Variants in MYO15A observed in about 807,000 individuals in gnomAD.
MYO15A encodes myosin XVA, also known as unconventional myosin-XV.
In MYO15A, 308 loss-of-function variants were observed where a neutral mutation model predicts 394.6. The ratio of observed to expected loss-of-function variants is 0.78; its 90% CI spans 0.71 to 0.86. MYO15A has a LOEUF of 0.86. MYO15A is among the 40% of genes least tolerant of loss of function. The pLI is 0.00. For synonymous variants in MYO15A, 1,957 were observed against 2,003.8 expected, an observed-to-expected ratio of 0.98 and a Z score of 0.62; for missense variants, 4,606 against 4,799.1, an observed-to-expected ratio of 0.96 and a Z score of 1.19.
At position 18,158,956 on chromosome 17, in the gene MYO15A, C is replaced by A. The variant is rs770756964; in HGVS notation, c.9115C>A (p.Arg3039=). ...CCTCAGGCTGAAATCCAAGGAGCCTCGGGAGTCCAGAACCTTGGAGGACAT... is the reference window on the plus strand; with the variant it reads ...CCTCAGGCTGAAATCCAAGGAGCCTAGGGAGTCCAGAACCTTGGAGGACAT... ...DGLRLKSKEP[R]ESRTLEDMLC... Residue 3039 remains arginine (R), a synonymous_variant, in exon 53 of 66, where the codon CGG becomes AGG. Coordinates refer to ENST00000647165, the MANE Select transcript of MYO15A (RefSeq NM_016239.4). 6 of 1,614,110 alleles carry A rather than the reference C, an allele frequency of 3.7e-6. No homozygotes were observed. Among genetic ancestry groups the A allele is most frequent in the Non-Finnish European group, 5.1e-6 (6 of 1,179,970 alleles).
chr17:18,134,237 C>G (rs1472810030), intron 12 of MYO15A, among the ~76,000 whole-genome samples: 1 of 152,150 alleles, frequency 6.6e-6, no homozygotes, highest in Non-Finnish European at 1.5e-5. Flanking sequence ...ATCCGCCCAC[C>G]TCGGCCTCCC....
chr17:18,178,795 C>A lies in MYO15A; in HGVS notation c.10518C>A (p.Ala3506=). 1 of 1,613,992 alleles carries A rather than the reference C, an allele frequency of 6.2e-7. No individual in the cohort carries two copies. The highest frequency in any genetic ancestry group is 8.5e-7 in the Non-Finnish European group (1 of 1,180,016). Residue 3506 remains alanine, a synonymous_variant, in exon 66 of 66, where the codon GCC becomes GCA. Transcript: ENST00000647165. ...GACTGGAACTGTGTCGTGTGGTGGC[C>A]GTGCACGTGGAGAACCTGCTCAGTG... ...EQGLELCRVV[A]VHVENLLSAH... is the part of the protein sequence containing the mutation.
intron 48 of MYO15A, 68 bp from the exon 49 acceptor site, chr17:18,156,886 G>A: frequency 1.5e-6 from 2 of 1,340,540 alleles, no homozygotes; most frequent in Non-Finnish European, 2.1e-6. Flanking sequence ...GAGGAGCAGG[G>A]GTGGCCCTAG....
Position 18,120,595 on chromosome 17 carries a change from G to A in MYO15A, c.1795G>A (p.Gly599Ser). The change falls in exon 2 of 66, where the codon GGC (glycine) becomes AGC (serine). Residue 599 changes from glycine to serine, a missense_variant. Around this residue, in one of 2 missense-constraint regions of MYO15A, gnomAD observed 1,830 missense variants for 1,689.7 expected, o/e 1.08. Coordinates refer to ENST00000647165, the MANE Select transcript of MYO15A (RefSeq NM_016239.4). ...LRGSQKARAG[G>S]PAVREAAYKR... ...GGGCAGCCAGAAGGCCCGGGCGGGC[G>A]GCCCTGCTGTCAGGGAGGCGGCCTA... 3 of 1,597,658 alleles carry A rather than the reference G, an allele frequency of 1.9e-6. No homozygotes were observed. The highest frequency in any genetic ancestry group is 2.6e-6 in the Non-Finnish European group (3 of 1,174,334).
rs2142232564 is a variant in MYO15A, at chr17:18,117,743, T to C, written c.-219-839T>C. 6.6e-6 allele frequency among the ~76,000 whole-genome samples: 1 copy of C among 152,236 alleles called. No homozygotes were observed. The highest frequency in any genetic ancestry group is 2.4e-5 in the African/African-American group (1 of 41,518). On this transcript the variant is annotated intron_variant, in intron 1 of 65. Coordinates refer to ENST00000647165, the MANE Select transcript of MYO15A (RefSeq NM_016239.4). This position sits in a 1 kb window ranked among gnomAD's most constrained non-coding sequence, Gnocchi z 4.1. ...GGTCAGGCCATATGAAGCAATCAGC[T>C]ATGCCCAGAGAAGGCAGTAACCACA...
intron 35 of MYO15A, chr17:18,149,950 C>CAAAAAAAAAAAAAAAAAA (rs369728454): frequency 8.3e-6 from 1 of 120,214 alleles, no homozygotes; most frequent in African/African-American, 4.1e-5. Flanking sequence ...GACCCTGTCT[C>CAAAAAAAAAAAAAAAAAA]AAAAAAAAAA....
At chr17:18,137,758 G>C in intron 16 of MYO15A, 79 bp downstream of exon 16, 1 of 1,449,558 alleles carries the variant, frequency 6.9e-7, no homozygotes, top group East Asian at 2.3e-5. Flanking sequence ...AGGATATACT[G>C]GTTGTTTAAG....
At chr17:18,139,347 C>A (rs375884801) in intron 18 of MYO15A, 187 bp from the exon 19 acceptor site, 2 of 690,226 alleles carry the variant, frequency 2.9e-6, no homozygotes. Context: ...ATGTCCTTCA[C>A]TGAGGGTGAG....
rs941123128 is a variant in MYO15A, at chr17:18,154,831, T to G, written c.8224+76T>G. The G allele has an allele frequency of 2.7e-6, 4 of 1,507,170 alleles. No homozygotes were observed. The African/African-American group carries it at 5.5e-5, about 21-fold the overall frequency. 93.4% of individuals were successfully genotyped at this position (1,507,170 alleles called of 1,614,324 possible). ...AGCCAGCCCTGTCCCAGAGGGAGAC[T>G]GAGGCTGACAAGCCCAGGCCCACCA... On this transcript the variant is annotated intron_variant, in intron 45 of 65. Coordinates refer to ENST00000647165, the MANE Select transcript of MYO15A (RefSeq NM_016239.4).
intron 12 of MYO15A, among the ~76,000 whole-genome samples, chr17:18,135,160 C>T (rs1053180375): frequency 9.9e-5 from 15 of 151,980 alleles, no homozygotes; most frequent in Non-Finnish European, 1.5e-4. Flanking sequence ...GCCACCGTGC[C>T]CAGCCTGTTT....
chr17:18,143,459 C>G (rs558079762), intron 25 of MYO15A, 107 bp from the exon 26 acceptor site: 13 of 1,285,892 alleles, frequency 1.0e-5, no homozygotes, highest in African/African-American at 3.0e-5. Context: ...GGCAAGCTGC[C>G]CCCCTTGCTT....
At chr17:18,136,353 CT>C in intron 13 of MYO15A, 63 bp from the exon 14 acceptor site, 1 of 1,599,180 alleles carries the variant, frequency 6.3e-7, no homozygotes, top group Non-Finnish European at 8.6e-7. Context: ...CCTTAGTCCC[CT>C]GGGGGCTTTC....
chr17:18,120,362 C>A lies in MYO15A; in HGVS notation c.1562C>A (p.Pro521Gln). Reference sequence around the variant, plus strand: ...GAAGAGGACGAGGAGGAGCTGCCCCCGGTTTCCGCTGTGCCCTACGGCCAC... The same window carrying A: ...GAAGAGGACGAGGAGGAGCTGCCCCAGGTTTCCGCTGTGCCCTACGGCCAC... ...DEEEDEEELP[P>Q]VSAVPYGHPF... The change falls in exon 2 of 66, where the codon CCG becomes CAG. Residue 521 changes from proline (P) to glutamine (Q), a missense_variant. Transcript: ENST00000647165. The A allele has an allele frequency of 6.2e-7, 1 of 1,612,062 alleles. No individual in the cohort carries two copies. The highest frequency in any genetic ancestry group is 8.5e-7 in the Non-Finnish European group (1 of 1,179,958).
In MYO15A at chr17:18,120,751, C is replaced by A; in HGVS notation, c.1951C>A (p.Pro651Thr). ...ARRPPAPQPA[P>T]RTLSHWSALL... ...CCGCCCGCCCGCGCCACAGCCCGCG[C>A]CCAGGACCCTCTCCCACTGGAGCGC... The change falls in exon 2 of 66, where the codon CCC (proline) becomes ACC (threonine). Residue 651 changes from proline to threonine, a missense_variant. By Grantham distance (38) the Pro-to-Thr change is conservative (BLOSUM62 -1). This residue lies in a region of MYO15A where 1,830 missense variants were observed against 1,689.7 expected (regional missense o/e 1.08). Coordinates refer to ENST00000647165, the MANE Select transcript of MYO15A (RefSeq NM_016239.4). The A allele has an allele frequency of 6.9e-7, 1 of 1,455,996 alleles. No homozygotes were observed. Among genetic ancestry groups the A allele is most frequent in the Non-Finnish European group, 9.0e-7 (1 of 1,114,504 alleles). The allele number at this position is 1,455,996 out of a possible 1,614,324, so 90.2% of individuals were successfully genotyped here. A position where few individuals can be genotyped will look rare whatever the true frequency, so the allele number is the denominator to read the frequency against.
At chr17:18,108,893 G>A (rs928390432) in intron 1 of MYO15A, 69 bp downstream of exon 1, 4 of 152,740 alleles carry the variant, frequency 2.6e-5, no homozygotes, top group Admixed American at 6.5e-5. Context: ...GGCTGCAGGG[G>A]TGATAAGGGA....
chr17:18,127,142 C>G lies in MYO15A; in HGVS notation c.4009C>G (p.Gln1337Glu), dbSNP rs748567238. The part of the protein sequence containing the change: ...LILRYLAAMN[Q>E]KREVMQQIKI... Reference sequence around the variant, plus strand: ...TCTGCGCTACCTGGCCGCCATGAACCAGAAACGGGAGGTCATGCAGCAGGT... The same window carrying G: ...TCTGCGCTACCTGGCCGCCATGAACGAGAAACGGGAGGTCATGCAGCAGGT... Residue 1337 changes from glutamine to glutamate, a missense_variant, in exon 7 of 66, where the codon CAG becomes GAG. Around this residue, in one of 2 missense-constraint regions of MYO15A, gnomAD observed 2,776 missense variants for 3,109.3 expected, o/e 0.89. Coordinates refer to ENST00000647165, the MANE Select transcript of MYO15A (RefSeq NM_016239.4). The G allele has an allele frequency of 6.8e-6, 11 of 1,613,844 alleles. No homozygotes were observed.
chr17:18,169,443 T>A (rs570191128), intron 62 of MYO15A: 3 of 143,830 alleles, frequency 2.1e-5, no homozygotes, highest in Non-Finnish European at 3.0e-5. Flanking sequence ...AGAGCAAAAC[T>A]CCGTCTCAAA....
Position 18,120,851 on chromosome 17 carries a change from T to C in MYO15A, c.2051T>C (p.Leu684Pro), listed in dbSNP as rs2045909277. The change falls in exon 2 of 66, where the codon CTC becomes CCC. Residue 684 changes from leucine to proline, a missense_variant. By Grantham distance (98) the Leu-to-Pro change is moderately conservative. Coordinates refer to ENST00000647165, the MANE Select transcript of MYO15A (RefSeq NM_016239.4). ...CCCGCGCCGCCGCTCTCCCCGGCGC[T>C]CTCGGGCCTGCCCCGGCCGGCCTCG... ...PPPAPPLSPA[L>P]SGLPRPASPY... The C allele has an allele frequency of 1.7e-6, 2 of 1,200,182 alleles. No individual in the cohort carries two copies. The highest frequency in any genetic ancestry group is 2.4e-5 in the South Asian group (1 of 40,940). The allele number at this position is 1,200,182 out of a possible 1,614,324, so 74.3% of individuals were successfully genotyped here. A position where few individuals can be genotyped will look rare whatever the true frequency, so the allele number is the denominator to read the frequency against.
At position 18,130,635 on chromosome 17, in the gene MYO15A, T is replaced by C. The variant is rs1016083768; in HGVS notation, c.4033-170T>C. Among the ~76,000 whole-genome samples, 27 of 152,002 alleles carry C rather than the reference T, an allele frequency of 1.8e-4. 1 individual carries two copies. Among genetic ancestry groups the C allele is most frequent in the Non-Finnish European group, 3.4e-4 (23 of 67,980 alleles). On this transcript the variant is annotated intron_variant, in intron 7 of 65. Coordinates refer to ENST00000647165, the MANE Select transcript of MYO15A (RefSeq NM_016239.4). ...ATATTTTCATACCTTGGAGACCCCA[T>C]GGCAGTCCCCAAGCCTGGACCCCTG...
Sources: allele counts gnomAD v4.1 joint callset (sites outside exome capture counted in the v4.1 genomes callset), GRCh38; gene constraint gnomAD v4.1.1; regional missense constraint gnomAD v4.1.1; non-coding constraint Gnocchi (gnomAD v3.1); transcripts MANE v1.5; gene names NCBI Gene and HGNC (gene_info 2026-07-23, HGNC 2026-07-21).